The following ABL1 variants were observed in gnomAD, a reference collection of about 807,000 sequenced individuals.
ABL1 encodes the protein tyrosine-protein kinase ABL1.
In ABL1, 11 loss-of-function variants were observed where a neutral mutation model predicts 94.7. That is an observed-to-expected ratio of 0.12 (90% CI 0.07 to 0.19). The LOEUF is 0.19. Ranked by LOEUF, ABL1 falls within the 10% of genes least tolerant of loss-of-function variation. ABL1 has a pLI of 1.00. For missense variants in ABL1, 1,082 were observed against 1,489.4 expected, an observed-to-expected ratio of 0.73 and a Z score of 4.50; for synonymous variants, 656 against 622.4, an observed-to-expected ratio of 1.05 and a Z score of -0.80.
At chr9:130,764,380 G>C (rs905156458) in intron 1 of ABL1, among the ~76,000 whole-genome samples, 2 of 152,200 alleles carry the variant, frequency 1.3e-5, no homozygotes, top group African/African-American at 4.8e-5. Context: ...CTCTGGTCCT[G>C]TTGGTTGGGA....
chr9:130,729,635 C>A (rs778816078), intron 1 of ABL1, among the ~76,000 whole-genome samples: 1 of 152,114 alleles, frequency 6.6e-6, no homozygotes, highest in South Asian at 2.1e-4. Flanking sequence ...TGAAAACAGT[C>A]GTCTCAAATA....
At position 130,884,765 on chromosome 9, in the gene ABL1, C is replaced by T. The variant is rs1216708333; in HGVS notation, c.2475C>T (p.Ala825=). 2 of 1,612,090 alleles carry T rather than the reference C, an allele frequency of 1.2e-6. No homozygotes were observed. The highest frequency in any genetic ancestry group is 1.7e-6 in the Non-Finnish European group (2 of 1,179,544). The change falls in exon 11 of 11, where the codon GCC becomes GCT. Residue 825 remains alanine, a synonymous_variant. Transcript: ENST00000318560. The surrounding 1 kb of genome is among the most constrained non-coding windows in gnomAD (Gnocchi z 5.6). ...PKPLRRQVTV[A]PASGLPHKEE... ...CCCTCCGGCGGCAGGTCACCGTGGC[C>T]CCTGCCTCGGGCCTCCCCCACAAGG...
intron 1 of ABL1, among the ~76,000 whole-genome samples, chr9:130,766,612 G>A (rs982124241): frequency 1.3e-5 from 2 of 152,096 alleles, no homozygotes; most frequent in Non-Finnish European, 2.9e-5. Context: ...CACAGCCTGT[G>A]ACCCCAGCAT....
chr9:130,884,211 A>G lies in ABL1; in HGVS notation c.1921A>G (p.Ile641Val), dbSNP rs2133035205. 2 of 1,609,778 alleles carry G rather than the reference A, an allele frequency of 1.2e-6. No individual in the cohort carries two copies. The highest frequency in any genetic ancestry group is 1.7e-4 in the Middle Eastern group (1 of 6,036). ...RGAGEEEGRD[I>V]SNGALAFTPL... Reference sequence around the variant, plus strand: ...GGCCGGCGAGGAAGAGGGCCGAGACATCAGCAACGGGGCACTGGCTTTCAC... The same window carrying G: ...GGCCGGCGAGGAAGAGGGCCGAGACGTCAGCAACGGGGCACTGGCTTTCAC... Residue 641 changes from isoleucine (I) to valine (V), a missense_variant, in exon 11 of 11, where the codon ATC becomes GTC. Transcript: ENST00000318560. This position sits in a 1 kb window ranked among gnomAD's most constrained non-coding sequence, Gnocchi z 5.6.
At chr9:130,812,680 A>G (rs771729451) in intron 1 of ABL1, among the ~76,000 whole-genome samples, 2 of 152,172 alleles carry the variant, frequency 1.3e-5, no homozygotes, top group Non-Finnish European at 2.9e-5. Context: ...TCAAAATACA[A>G]ACTTTTCAAG....
intron 10 of ABL1, among the ~76,000 whole-genome samples, chr9:130,883,536 C>T (rs1161526597): frequency 6.6e-6 from 1 of 152,026 alleles, no homozygotes. Flanking sequence ...GGTCTCTTTC[C>T]CTGAAGATGG....
At chr9:130,817,186 C>T (rs1454088317) in intron 1 of ABL1, among the ~76,000 whole-genome samples, 1 of 152,220 alleles carries the variant, frequency 6.6e-6, no homozygotes, top group Non-Finnish European at 1.5e-5. Flanking sequence ...TCTTCAAAGA[C>T]TTTCCTCCCC....
chr9:130,771,757 T>TTCTTTC (rs1564285977), intron 1 of ABL1, among the ~76,000 whole-genome samples: 8 of 143,620 alleles, frequency 5.6e-5, no homozygotes, highest in African/African-American at 7.7e-5. Flanking sequence ...TCTTTCTTTT[T>TTCTTTC]TTTTTTTTTT....
In ABL1 at chr9:130,854,051, C is replaced by T. The variant is rs761571282; in HGVS notation, c.80-13C>T. ...TCCTTTTTCTTTTTTCTGTTCCCCCCTTTCTCTTCCAGAAGCCCTTCAGCG... is the reference window on the plus strand; with the variant it reads ...TCCTTTTTCTTTTTTCTGTTCCCCCTTTTCTCTTCCAGAAGCCCTTCAGCG... On this transcript the variant is annotated splice_polypyrimidine_tract_variant and intron_variant, in intron 1 of 10. Transcript: ENST00000318560. 2 of 1,588,278 alleles carry T rather than the reference C, an allele frequency of 1.3e-6. No homozygotes were observed. Among genetic ancestry groups the T allele is most frequent in the Non-Finnish European group, 1.7e-6 (2 of 1,168,426 alleles).
intron 8 of ABL1, among the ~76,000 whole-genome samples, chr9:130,879,257 T>C (rs1323947346): frequency 1.3e-5 from 2 of 152,248 alleles, no homozygotes; most frequent in Non-Finnish European, 2.9e-5. Flanking sequence ...TGTTTTCATA[T>C]ATCTTATAAG....
At chr9:130,813,804 A>G (rs888123260) in intron 1 of ABL1, among the ~76,000 whole-genome samples, 3 of 152,188 alleles carry the variant, frequency 2.0e-5, no homozygotes, top group African/African-American at 4.8e-5. Flanking sequence ...TATAGTGCAG[A>G]TGGTCCCTGA....
At chr9:130,850,464 A>G (rs1830838784) in intron 1 of ABL1, among the ~76,000 whole-genome samples, 1 of 152,218 alleles carries the variant, frequency 6.6e-6, no homozygotes, top group Non-Finnish European at 1.5e-5. Context: ...GGGAGGACTT[A>G]CAGAAGAAAA....
intron 1 of ABL1, among the ~76,000 whole-genome samples, chr9:130,783,584 T>C (rs1016386670): frequency 6.6e-6 from 1 of 152,260 alleles, no homozygotes; most frequent in African/African-American, 2.4e-5. Flanking sequence ...ATGACAAGGC[T>C]GTCTTCTAAG....
intron 1 of ABL1, among the ~76,000 whole-genome samples, chr9:130,845,347 C>CTT (rs1331369433): frequency 1.4e-5 from 2 of 143,900 alleles, no homozygotes; most frequent in Non-Finnish European, 3.1e-5. Flanking sequence ...CTTAACCTTT[C>CTT]TTTTTTTTTT....
intron 1 of ABL1, among the ~76,000 whole-genome samples, chr9:130,720,093 A>T (rs1229361339): frequency 6.6e-6 from 1 of 152,198 alleles, no homozygotes; most frequent in African/African-American, 2.4e-5. Flanking sequence ...TTCAACAAAC[A>T]TTTATTTTAT....
chr9:130,736,752 A>G (rs1304605558), intron 1 of ABL1, among the ~76,000 whole-genome samples: 5 of 152,274 alleles, frequency 3.3e-5, no homozygotes, highest in African/African-American at 7.2e-5. Flanking sequence ...CGGCCTCCCA[A>G]AGTGCTGGGA....
chr9:130,724,976 C>A (rs538436956), intron 1 of ABL1: 4 of 318,450 alleles, frequency 1.3e-5, no homozygotes, highest in South Asian at 6.0e-5. Context: ...GGTGACAGGC[C>A]TTAGAGCCAC....
At chr9:130,809,443 T>TGC (rs1554765798) in intron 1 of ABL1, among the ~76,000 whole-genome samples, 10 of 144,872 alleles carry the variant, frequency 6.9e-5, no homozygotes, top group African/African-American at 1.3e-4. Context: ...TGTGTGTGTG[T>TGC]GCACGTGTGA....
chr9:130,753,550 C>G (rs910077288), intron 1 of ABL1, among the ~76,000 whole-genome samples: 1 of 150,688 alleles, frequency 6.6e-6, no homozygotes, highest in South Asian at 2.1e-4. Flanking sequence ...CTCAGCCTCC[C>G]GAGTAGCTGG....
Sources: gnomAD v4.1 joint callset for allele counts (sites outside exome capture counted in the v4.1 genomes callset) on GRCh38, gnomAD v4.1.1 for gene constraint, Gnocchi (gnomAD v3.1) non-coding constraint, MANE v1.5 for transcripts, NCBI Gene and HGNC (gene_info 2026-07-23, HGNC 2026-07-21) for gene names.